Variants in SCFD2 observed in about 807,000 individuals in gnomAD.
SCFD2 encodes the protein sec1 family domain containing 2.
A neutral mutation model predicts 58.9 loss-of-function variants in SCFD2; 54 were observed. The observed-to-expected ratio is 0.92, with a 90% CI of 0.74 to 1.15. The LOEUF (loss-of-function observed/expected upper bound fraction) is 1.15, where lower values mean the gene tolerates loss of function less well. SCFD2 is among the 50% of genes most tolerant of loss of function. SCFD2 has a pLI of 0.00. For synonymous variants in SCFD2, 321 were observed against 335.9 expected, an observed-to-expected ratio of 0.96 and a Z score of 0.49; for missense variants, 805 against 836.6, an observed-to-expected ratio of 0.96 and a Z score of 0.47.
intron 5 of SCFD2, among the ~76,000 whole-genome samples, chr4:53,004,422 G>A (rs1218984201): frequency 6.6e-6 from 1 of 152,192 alleles, no homozygotes; most frequent in Admixed American, 6.5e-5. Flanking sequence ...CACTGCCATT[G>A]TAATCAGAAT....
At chr4:53,251,878 G>C (rs1387655601) in intron 4 of SCFD2, among the ~76,000 whole-genome samples, 1 of 150,654 alleles carries the variant, frequency 6.6e-6, no homozygotes, top group Non-Finnish European at 1.5e-5. Context: ...TGGAAGTTCT[G>C]GCCAGAGCAA....
chr4:53,244,561 A>T (rs1730002636), intron 4 of SCFD2, among the ~76,000 whole-genome samples: 2 of 152,156 alleles, frequency 1.3e-5, no homozygotes, highest in African/African-American at 2.4e-5. Flanking sequence ...TAAAGATACA[A>T]CATACCAGAA....
intron 3 of SCFD2, among the ~76,000 whole-genome samples, chr4:53,285,576 C>T (rs1386971195): frequency 6.6e-6 from 1 of 151,670 alleles, no homozygotes; most frequent in African/African-American, 2.4e-5. Context: ...AAAAAAGAAC[C>T]AAAACAATAA....
At chr4:53,243,925 A>G (rs1392524303) in intron 4 of SCFD2, among the ~76,000 whole-genome samples, 1 of 152,096 alleles carries the variant, frequency 6.6e-6, no homozygotes, top group African/African-American at 2.4e-5. Flanking sequence ...TTTATTTACA[A>G]CTTTATTCAA....
chr4:53,140,396 T>TATATATATATATAC (rs1726096120), intron 5 of SCFD2, among the ~76,000 whole-genome samples: 1 of 139,154 alleles, frequency 7.2e-6, no homozygotes, highest in Non-Finnish European at 1.5e-5. Context: ...AATGCTAATA[T>TATATATATATATAC]ATATATATAT....
At chr4:53,032,299 T>C (rs943699837) in intron 5 of SCFD2, among the ~76,000 whole-genome samples, 2 of 152,000 alleles carry the variant, frequency 1.3e-5, no homozygotes, top group Non-Finnish European at 2.9e-5. Flanking sequence ...GCACTAAACA[T>C]GGAAGGGAAC....
At chr4:53,211,195 A>G (rs1354499124) in intron 4 of SCFD2, among the ~76,000 whole-genome samples, 1 of 150,860 alleles carries the variant, frequency 6.6e-6, no homozygotes, top group South Asian at 2.1e-4. Flanking sequence ...ATGAGCTGAG[A>G]TTGCACCACT....
intron 5 of SCFD2, among the ~76,000 whole-genome samples, chr4:52,940,697 C>T (rs773377770): frequency 2.0e-5 from 3 of 152,136 alleles, no homozygotes; most frequent in Non-Finnish European, 2.9e-5. Context: ...TTTCTGAGGG[C>T]TCGGCCAGGG....
Position 53,258,577 on chromosome 4 carries a change from T to TATATAC in SCFD2, c.1311+15248_1311+15249insGTATAT, listed in dbSNP as rs757658747. 6.8e-3 allele frequency among the ~76,000 whole-genome samples: 820 copies of TATATAC among 120,634 alleles called. 9 individuals are homozygous for TATATAC. The highest frequency in any genetic ancestry group is 9.3e-3 in the East Asian group (36 of 3,880). The allele number at this position is 120,634 out of a possible 152,430, so 79.1% of individuals were successfully genotyped here. A position where few individuals can be genotyped will look rare whatever the true frequency, so the allele number is the denominator to read the frequency against. ...ATATATATATATATATATATATATA[T>TATATAC]ACACACACATATATACATAACACAT... On this transcript the variant is annotated intron_variant, in intron 4 of 8. Transcript: ENST00000401642.
At chr4:53,300,448 G>C (rs1732237317) in intron 3 of SCFD2, among the ~76,000 whole-genome samples, 1 of 152,138 alleles carries the variant, frequency 6.6e-6, no homozygotes, top group Non-Finnish European at 1.5e-5. Flanking sequence ...GATTCATAAA[G>C]CAAGTCCTTA....
At chr4:53,230,443 C>CA (rs1295152309) in intron 4 of SCFD2, among the ~76,000 whole-genome samples, 2 of 151,834 alleles carry the variant, frequency 1.3e-5, no homozygotes, top group African/African-American at 4.8e-5. Context: ...TATGCAGCCA[C>CA]AAAAAAGGAT....
chr4:53,178,428 C>T (rs957933141), intron 4 of SCFD2, among the ~76,000 whole-genome samples: 14 of 152,120 alleles, frequency 9.2e-5, no homozygotes, highest in African/African-American at 3.1e-4. Flanking sequence ...ATAGACCTGC[C>T]GCTGAGGGTC....
intron 4 of SCFD2, among the ~76,000 whole-genome samples, chr4:53,253,607 G>A (rs563328719): frequency 1.3e-5 from 2 of 151,658 alleles, no homozygotes; most frequent in Non-Finnish European, 2.9e-5. Flanking sequence ...GATGAAATTG[G>A]AAATCATCAT....
chr4:52,972,333 A>C (rs1190577471), intron 5 of SCFD2, among the ~76,000 whole-genome samples: 1 of 152,188 alleles, frequency 6.6e-6, no homozygotes, highest in Non-Finnish European at 1.5e-5. Flanking sequence ...TCTACCAAGC[A>C]AATGGAAAAC....
intron 4 of SCFD2, among the ~76,000 whole-genome samples, chr4:53,212,480 A>AAATAAATAAAT (rs1296162447): frequency 1.1e-4 from 16 of 150,520 alleles, no homozygotes; most frequent in African/African-American, 2.7e-4. Flanking sequence ...AAAAATAAAT[A>AAATAAATAAAT]AATAATAATA....
At chr4:53,226,529 T>G (rs1729223013) in intron 4 of SCFD2, among the ~76,000 whole-genome samples, 1 of 152,142 alleles carries the variant, frequency 6.6e-6, no homozygotes, top group Non-Finnish European at 1.5e-5. Context: ...TTAAAAAATT[T>G]TTCACTAACA....
At chr4:52,998,456 AATG>A in intron 5 of SCFD2, among the ~76,000 whole-genome samples, 1 of 152,248 alleles carries the variant, frequency 6.6e-6, no homozygotes, top group Non-Finnish European at 1.5e-5. Flanking sequence ...AGAGTATGTC[AATG>A]ATAAGAGATT....
intron 2 of SCFD2, among the ~76,000 whole-genome samples, chr4:53,341,900 C>A (rs1733889053): frequency 1.3e-5 from 2 of 152,156 alleles, no homozygotes; most frequent in South Asian, 4.1e-4. Flanking sequence ...TGCACACAAG[C>A]AAATGCTGAG....
At chr4:52,913,463 C>T (rs1719533721) in intron 6 of SCFD2, among the ~76,000 whole-genome samples, 1 of 152,242 alleles carries the variant, frequency 6.6e-6, no homozygotes, top group Middle Eastern at 3.4e-3. Context: ...TGTCTGATGG[C>T]CTGTCACTGT....
Sources: allele counts gnomAD v4.1 joint callset (sites outside exome capture counted in the v4.1 genomes callset), GRCh38; gene constraint gnomAD v4.1.1; transcripts MANE v1.5; gene names NCBI Gene and HGNC (gene_info 2026-07-23, HGNC 2026-07-21).